Variants in PI4KA observed in about 807,000 individuals in gnomAD.
PI4KA encodes PI4-kinase alpha.
Under a neutral mutation model 271.4 loss-of-function variants are expected in PI4KA, and 122 were observed. That is an observed-to-expected ratio of 0.45 (90% CI 0.39 to 0.52). PI4KA has a LOEUF of 0.52. PI4KA is among the 20% of genes least tolerant of loss of function. The pLI, the probability that PI4KA is intolerant of heterozygous loss-of-function variation, is 0.00. For missense variants in PI4KA, 1,969 were observed against 2,769.1 expected (o/e 0.71, Z 6.48); for synonymous variants, 1,041 against 1,078.8 (o/e 0.96, Z 0.69).
chr22:20,779,531 G>C (rs1933582605), intron 19 of PI4KA: 1 of 1,613,846 alleles, frequency 6.2e-7, no homozygotes, highest in African/African-American at 1.3e-5. Context: ...TTCCAGAGGG[G>C]GAGGAGGACG....
chr22:20,783,682 G>A (rs1933978635), intron 19 of PI4KA, among the ~76,000 whole-genome samples: 1 of 152,200 alleles, frequency 6.6e-6, no homozygotes, highest in Admixed American at 6.6e-5. Context: ...TTTGACAGAT[G>A]TGACAGATGA....
At chr22:20,806,887 C>A (rs1232906061) in intron 10 of PI4KA, among the ~76,000 whole-genome samples, 1 of 151,744 alleles carries the variant, frequency 6.6e-6, no homozygotes, top group Admixed American at 6.6e-5. Context: ...CATGCCACTG[C>A]GCCTGGCTAA....
At chr22:20,776,393 G>T (rs1266972861) in intron 19 of PI4KA, among the ~76,000 whole-genome samples, 1 of 152,198 alleles carries the variant, frequency 6.6e-6, no homozygotes, top group East Asian at 1.9e-4. Flanking sequence ...TGGCACTGCA[G>T]CCTGAGGCAG....
chr22:20,720,734 G>C (rs1055021595), intron 43 of PI4KA, among the ~76,000 whole-genome samples: 1 of 152,134 alleles, frequency 6.6e-6, no homozygotes, highest in African/African-American at 2.4e-5. Context: ...TCTTCTACAA[G>C]GAAATGCCAC....
At chr22:20,855,789 G>A (rs1446940109) in intron 1 of PI4KA, among the ~76,000 whole-genome samples, 2 of 152,204 alleles carry the variant, frequency 1.3e-5, no homozygotes, top group Non-Finnish European at 2.9e-5. Context: ...TTCCCAGAAG[G>A]AAAGCAGGTA....
intron 35 of PI4KA, 25 bp from the exon 36 acceptor site, chr22:20,733,123 G>C (rs395163): frequency 7.1e-5 from 114 of 1,611,632 alleles, no homozygotes; most frequent in African/African-American, 3.2e-4. Flanking sequence ...AAGAGGACAA[G>C]GGCTGAGTGT....
In PI4KA at chr22:20,847,165, G is replaced by C. The variant is rs543789934; in HGVS notation, c.157-8434C>G. 4.7e-5 allele frequency among the ~76,000 whole-genome samples: 7 copies of C among 147,466 alleles called. No homozygotes were observed. In the South Asian group the frequency reaches 1.3e-3, roughly 27 times the overall value. On this transcript the variant is annotated intron_variant, in intron 1 of 54. Transcript: ENST00000255882. ...TCCATCTCAAAAAAAAAAAAAAAAA[G>C]TAATAGCTAATGGATGCTGGGCTTA...
intron 47 of PI4KA, among the ~76,000 whole-genome samples, chr22:20,714,121 TGATGATG>T: frequency 6.6e-6 from 1 of 152,102 alleles, no homozygotes; most frequent in East Asian, 1.9e-4. Context: ...GGCACGGCCC[TGATGATG>T]GACTCCAGCC....
At chr22:20,722,583 C>T (rs917700300) in intron 42 of PI4KA, among the ~76,000 whole-genome samples, 4 of 152,146 alleles carry the variant, frequency 2.6e-5, no homozygotes, top group South Asian at 2.1e-4. Context: ...GGTCATTTTC[C>T]GCCACTCATA....
At chr22:20,845,046 T>G (rs1926075598) in intron 1 of PI4KA, among the ~76,000 whole-genome samples, 1 of 152,168 alleles carries the variant, frequency 6.6e-6, no homozygotes, top group Non-Finnish European at 1.5e-5. Flanking sequence ...TATTCCCATT[T>G]ACAAAAAGGA....
At chr22:20,727,582 AT>A in intron 40 of PI4KA, 185 bp from the exon 41 acceptor site, 2 of 686,722 alleles carry the variant, frequency 2.9e-6, no homozygotes, top group South Asian at 3.9e-5. Context: ...AGTGCATTAC[AT>A]TTTTTTCTAC....
At chr22:20,741,837 G>C (rs1929495818) in intron 32 of PI4KA, among the ~76,000 whole-genome samples, 1 of 152,188 alleles carries the variant, frequency 6.6e-6, no homozygotes, top group Non-Finnish European at 1.5e-5. Context: ...CCCTGCAGTA[G>C]CAACTCCAGA....
intron 45 of PI4KA, among the ~76,000 whole-genome samples, chr22:20,715,087 T>G (rs75699928): frequency 0.029 from 4,355 of 151,926 alleles, 201 homozygotes; most frequent in African/African-American, 0.098. Context: ...TTTTTTTTTT[T>G]TTGGATAGAG....
intron 3 of PI4KA, among the ~76,000 whole-genome samples, chr22:20,825,246 C>T (rs1179838049): frequency 6.6e-6 from 1 of 152,048 alleles, no homozygotes. Context: ...TGCCCATGCC[C>T]GGCCTAAAAT....
chr22:20,742,646 G>T lies in PI4KA; in HGVS notation c.3575C>A (p.Ala1192Asp). 6.2e-7 allele frequency: 1 copy of T among 1,614,112 alleles called. No individual in the cohort carries two copies. Among genetic ancestry groups the T allele is most frequent in the Non-Finnish European group, 8.5e-7 (1 of 1,179,978 alleles). ...DRSHPQHYTQ[A>D]MFKLTAMLIS... ...GAGCATTGCGGTCAGCTTGAACATGGCCTGCGTGTAGTGCTGAGGATGACT... is the reference window on the plus strand; with the variant it reads ...GAGCATTGCGGTCAGCTTGAACATGTCCTGCGTGTAGTGCTGAGGATGACT... Residue 1192 changes from alanine (A) to aspartate (D), a missense_variant, in exon 31 of 55, where the codon GCC becomes GAC. Physicochemically the swap from Ala to Asp is moderately radical, Grantham distance 126. Transcript: ENST00000255882.
intron 30 of PI4KA, among the ~76,000 whole-genome samples, chr22:20,743,415 A>G (rs1929691357): frequency 6.6e-6 from 1 of 151,982 alleles, no homozygotes; most frequent in African/African-American, 2.4e-5. Context: ...AAGTGCTGGG[A>G]TTACAGGCGT....
At chr22:20,708,133 G>C in intron 54 of PI4KA, 35 bp from the exon 55 acceptor site, 2 of 1,581,264 alleles carry the variant, frequency 1.3e-6, no homozygotes, top group Non-Finnish European at 1.7e-6. Flanking sequence ...GGAGATTCGA[G>C]GAGCCAGCAG....
intron 25 of PI4KA, among the ~76,000 whole-genome samples, chr22:20,752,541 T>C (rs903847554): frequency 6.6e-6 from 1 of 152,150 alleles, no homozygotes; most frequent in Non-Finnish European, 1.5e-5. Flanking sequence ...GTGTGGGCTT[T>C]TGTTCCTGAG....
rs771806999 is a variant in PI4KA at position 20,764,797 on chromosome 22, G to A, written c.2708+20C>T. 8.8e-6 allele frequency: 14 copies of A among 1,595,280 alleles called. No individual in the cohort carries two copies. In the South Asian group the frequency reaches 1.6e-4, roughly 18 times the overall value. On this transcript the variant is annotated intron_variant, in intron 22 of 54. Transcript: ENST00000255882. ...CTCAAATGTGGATGTGCATGTGCATGGTGGTGAAGGCACGTGTACCTCATG... is the reference window on the plus strand; with the variant it reads ...CTCAAATGTGGATGTGCATGTGCATAGTGGTGAAGGCACGTGTACCTCATG...
Sources: allele counts gnomAD v4.1 joint callset (sites outside exome capture counted in the v4.1 genomes callset), GRCh38; gene constraint gnomAD v4.1.1; transcripts MANE v1.5; gene names NCBI Gene and HGNC (gene_info 2026-07-23, HGNC 2026-07-21).